TMPRSS11F: variants seen among roughly 807,000 people sequenced by gnomAD.
TMPRSS11F encodes the protein transmembrane serine protease 11F.
A neutral mutation model predicts 60.2 loss-of-function variants in TMPRSS11F; 47 were observed. The observed-to-expected ratio is 0.78, with a 90% CI of 0.62 to 1.00. The LOEUF is 1.00. TMPRSS11F is among the 50% of genes least tolerant of loss of function. The pLI, the probability that TMPRSS11F is intolerant of heterozygous loss-of-function variation, is 0.00. For synonymous variants in TMPRSS11F, 166 were observed against 167.3 expected, an observed-to-expected ratio of 0.99 and a Z score of 0.06; for missense variants, 519 against 522.9, an observed-to-expected ratio of 0.99 and a Z score of 0.07.
intron 6 of TMPRSS11F, 90 bp from the exon 7 acceptor site, chr4:68,068,909 C>T: frequency 7.4e-7 from 1 of 1,342,540 alleles, no homozygotes; most frequent in Non-Finnish European, 1.0e-6. Context: ...ATCCTTTGTC[C>T]CTGCTACCAT....
chr4:68,062,875 A>G (rs777985848), intron 8 of TMPRSS11F: 5 of 781,816 alleles, frequency 6.4e-6, no homozygotes, highest in East Asian at 2.6e-5. Flanking sequence ...TTGCTGCCCA[A>G]TTTTTTAAGT....
Position 68,054,144 on chromosome 4 carries a change from A to G in TMPRSS11F, c.1159-77T>C, listed in dbSNP as rs1181730285. On this transcript the variant is annotated intron_variant, in intron 9 of 9. Transcript: ENST00000356291. ...AGGTATTGTAATCTGACGTTCACAGAGAAAAAAGGAAATTGGTACACAGAC... is the reference window on the plus strand; with the variant it reads ...AGGTATTGTAATCTGACGTTCACAGGGAAAAAAGGAAATTGGTACACAGAC... 1.0e-5 allele frequency: 14 copies of G among 1,364,394 alleles called. No individual in the cohort carries two copies. In the East Asian group the frequency reaches 3.3e-4, roughly 32 times the overall value. 84.5% of individuals were successfully genotyped at this position (1,364,394 alleles called of 1,614,324 possible).
At chr4:68,111,958 A>G (rs567374913) in intron 1 of TMPRSS11F, among the ~76,000 whole-genome samples, 1 of 152,284 alleles carries the variant, frequency 6.6e-6, no homozygotes, top group East Asian at 1.9e-4. Flanking sequence ...GTTCTATCTC[A>G]TTATGTACTT....
At chr4:68,116,104 T>C (rs964202821) in intron 1 of TMPRSS11F, among the ~76,000 whole-genome samples, 1 of 152,006 alleles carries the variant, frequency 6.6e-6, no homozygotes, top group African/African-American at 2.4e-5. Context: ...ACCCTTACAA[T>C]TATAAAACTT....
intron 1 of TMPRSS11F, among the ~76,000 whole-genome samples, chr4:68,111,759 A>G (rs1448671944): frequency 6.6e-6 from 1 of 152,130 alleles, no homozygotes; most frequent in Non-Finnish European, 1.5e-5. Flanking sequence ...TTTAGTAGTT[A>G]TTTAATAGCC....
In TMPRSS11F at chr4:68,090,508, T is replaced by A. The variant is rs758506848; in HGVS notation, c.282+15A>T. On this transcript the variant is annotated intron_variant, in intron 3 of 9. Coordinates refer to ENST00000356291, the MANE Select transcript of TMPRSS11F (RefSeq NM_207407.2). ...AGACACATTAATAAACATTTAAAATTTCTGTTGAGCTTACCATTCTTTCAA... is the reference window on the plus strand; with the variant it reads ...AGACACATTAATAAACATTTAAAATATCTGTTGAGCTTACCATTCTTTCAA... The A allele has an allele frequency of 1.3e-6, 2 of 1,568,844 alleles. No individual in the cohort carries two copies. The highest frequency in any genetic ancestry group is 4.5e-5 in the East Asian group (2 of 44,190).
intron 1 of TMPRSS11F, among the ~76,000 whole-genome samples, chr4:68,114,305 A>C (rs369417854): frequency 5.9e-5 from 9 of 151,982 alleles, no homozygotes; most frequent in African/African-American, 2.2e-4. Context: ...GAAACAAGTC[A>C]GTTCATTATA....
At chr4:68,072,557 C>A (rs961715385) in intron 4 of TMPRSS11F, 71 bp from the exon 5 acceptor site, 1 of 1,222,164 alleles carries the variant, frequency 8.2e-7, no homozygotes, top group Non-Finnish European at 1.1e-6. Flanking sequence ...TTAGGACTCA[C>A]ATTAAACTTA....
intron 3 of TMPRSS11F, chr4:68,080,344 A>G (rs569973511): frequency 3.9e-5 from 6 of 152,372 alleles, no homozygotes; most frequent in African/African-American, 1.4e-4. Context: ...AGCTGAAATT[A>G]CTTAAATGAT....
At chr4:68,108,322 A>G (rs1468469426) in intron 1 of TMPRSS11F, among the ~76,000 whole-genome samples, 1 of 152,216 alleles carries the variant, frequency 6.6e-6, no homozygotes. Flanking sequence ...TAGTGACATC[A>G]TTCTCAAATT....
chr4:68,069,969 G>A lies in TMPRSS11F; in HGVS notation c.553C>T (p.Arg185Cys), dbSNP rs550419340. 114 of 1,600,816 alleles carry A rather than the reference G, an allele frequency of 7.1e-5. 2 individuals carry two copies. The South Asian group carries it at 7.7e-4, about 11-fold the overall frequency. The change falls in exon 6 of 10, where the codon CGC becomes TGC. Residue 185 changes from arginine to cysteine, a missense_variant and splice_region_variant. Transcript: ENST00000356291. Reference sequence around the variant, plus strand: ...GTTAATTGTGGGTTTTGGAACTTACGACTGTTGAGAAGATTCCTCATCTTT... The same window carrying A: ...GTTAATTGTGGGTTTTGGAACTTACAACTGTTGAGAAGATTCCTCATCTTT... Reference protein sequence around the residue: ...SKKMRNLLNSRCGIRMTSSNM... With the variant: ...SKKMRNLLNSCCGIRMTSSNM...
chr4:68,069,476 A>C (rs1723405279), intron 6 of TMPRSS11F, among the ~76,000 whole-genome samples: 1 of 152,216 alleles, frequency 6.6e-6, no homozygotes, highest in African/African-American at 2.4e-5. Flanking sequence ...CAATCTTAAA[A>C]GAGAACTTAA....
intron 3 of TMPRSS11F, among the ~76,000 whole-genome samples, chr4:68,085,422 C>A (rs1723792109): frequency 6.6e-6 from 1 of 152,084 alleles, no homozygotes; most frequent in South Asian, 2.1e-4. Context: ...GTAATGATTG[C>A]CATTCTAACT....
intron 8 of TMPRSS11F, chr4:68,062,060 A>G: frequency 2.2e-6 from 1 of 452,156 alleles, no homozygotes; most frequent in Non-Finnish European, 4.4e-6. Flanking sequence ...ACCCTTCGCC[A>G]TTAGATATGA....
intron 3 of TMPRSS11F, among the ~76,000 whole-genome samples, chr4:68,076,360 A>G (rs1022708333): frequency 2.6e-5 from 4 of 152,234 alleles, no homozygotes; most frequent in Admixed American, 1.3e-4. Flanking sequence ...CTATTCCACA[A>G]TAGAAAATCA....
At chr4:68,075,978 G>A (rs1345420087) in intron 3 of TMPRSS11F, among the ~76,000 whole-genome samples, 4 of 151,086 alleles carry the variant, frequency 2.6e-5, no homozygotes, top group Non-Finnish European at 4.4e-5. Context: ...GGGCAACAGA[G>A]TGAGACTCTG....
At chr4:68,079,569 G>C (rs1723651782) in intron 3 of TMPRSS11F, among the ~76,000 whole-genome samples, 1 of 152,122 alleles carries the variant, frequency 6.6e-6, no homozygotes, top group South Asian at 2.1e-4. Context: ...GTTATAACTA[G>C]TTTCTGGAAA....
chr4:68,064,669 G>A lies in TMPRSS11F; in HGVS notation c.1015+16C>T, dbSNP rs377451153. ...AGACATTCTTGTGCTAAGAAAATTA[G>A]GTTGAAACTGCTCACCATCATCTAC... On this transcript the variant is annotated intron_variant, in intron 8 of 9. Coordinates refer to ENST00000356291, the MANE Select transcript of TMPRSS11F (RefSeq NM_207407.2). 5 of 1,610,234 alleles carry A rather than the reference G, an allele frequency of 3.1e-6. No homozygotes were observed. In the African/African-American group the frequency reaches 5.3e-5, roughly 17 times the overall value.
intron 8 of TMPRSS11F, chr4:68,062,783 C>T (rs372094655): frequency 1.1e-5 from 8 of 744,920 alleles, no homozygotes; most frequent in African/African-American, 3.4e-5. Flanking sequence ...CCGCCCTCTG[C>T]GGATGGATAT....
Sources: allele counts gnomAD v4.1 joint callset (sites outside exome capture counted in the v4.1 genomes callset), GRCh38; gene constraint gnomAD v4.1.1; transcripts MANE v1.5; gene names NCBI Gene and HGNC (gene_info 2026-07-23, HGNC 2026-07-21).